ZNF83: variants seen among roughly 807,000 people sequenced by gnomAD.
The protein encoded by ZNF83 is zinc finger protein 816B.
For missense variants in ZNF83, 552 were observed against 629.9 expected, an observed-to-expected ratio of 0.88 and a Z score of 1.32; for synonymous variants, 209 against 213.0, an observed-to-expected ratio of 0.98 and a Z score of 0.17.
chr19:52,685,907 A>C (rs899221), intron 1 of ZNF83, among the ~76,000 whole-genome samples: 2 of 40,430 alleles, frequency 4.9e-5, no homozygotes, highest in African/African-American at 1.4e-4. Flanking sequence ...CAAAAAAAAA[A>C]AAAAAAAAAA....
intron 1 of ZNF83, among the ~76,000 whole-genome samples, chr19:52,689,393 A>G (rs927482861): frequency 3.1e-4 from 47 of 150,914 alleles, no homozygotes; most frequent in East Asian, 7.8e-4. Context: ...TTATACCCTC[A>G]TCCCCACTCT....
At chr19:52,679,573 T>G (rs1222730580) in intron 1 of ZNF83, among the ~76,000 whole-genome samples, 2 of 152,150 alleles carry the variant, frequency 1.3e-5, no homozygotes, top group African/African-American at 4.8e-5. Flanking sequence ...ATTGCACCAC[T>G]GCACTCCAGC....
intron 1 of ZNF83, among the ~76,000 whole-genome samples, chr19:52,684,387 A>G (rs1158843872): frequency 1.3e-5 from 2 of 151,862 alleles, no homozygotes; most frequent in Non-Finnish European, 2.9e-5. Flanking sequence ...AAATAAAAAT[A>G]AAAATACAAA....
At chr19:52,633,138 TCG>T (rs2061027632) in intron 2 of ZNF83, among the ~76,000 whole-genome samples, 1 of 152,166 alleles carries the variant, frequency 6.6e-6, no homozygotes, top group Non-Finnish European at 1.5e-5. Context: ...ACTGATGACA[TCG>T]TCTTGTGAAA....
chr19:52,653,431 C>T (rs143804476), intron 3 of ZNF83: 16 of 800,072 alleles, frequency 2.0e-5, no homozygotes, highest in African/African-American at 6.8e-5. Context: ...TCTGTTATGG[C>T]GTGAAAGGCA....
chr19:52,689,744 ACTGCTCTCTGTCCGTCTC>A (rs1338579744), intron 1 of ZNF83, among the ~76,000 whole-genome samples: 1 of 147,686 alleles, frequency 6.8e-6, no homozygotes, highest in African/African-American at 2.6e-5. Flanking sequence ...CAGGTTTTCC[ACTGCTCTCTGTCCGTCTC>A]CTGATCCCTT....
intron 3 of ZNF83, chr19:52,654,181 C>T (rs1392476695): frequency 1.9e-6 from 3 of 1,600,964 alleles, no homozygotes; most frequent in Non-Finnish European, 1.7e-6. Flanking sequence ...TCGGTCTGTA[C>T]TACCAGTCAA....
At chr19:52,670,261 C>A (rs1158612259) in intron 1 of ZNF83, among the ~76,000 whole-genome samples, 5 of 152,126 alleles carry the variant, frequency 3.3e-5, no homozygotes, top group African/African-American at 1.2e-4. Context: ...CACCCTCATT[C>A]CATAACATTT....
intron 3 of ZNF83, chr19:52,652,648 C>T (rs908333911): frequency 1.9e-6 from 1 of 519,692 alleles, no homozygotes; most frequent in Non-Finnish European, 3.8e-6. Context: ...CTTGTAAGAT[C>T]TCTCTTCATT....
chr19:52,661,960 AG>A (rs1354828906), intron 1 of ZNF83, among the ~76,000 whole-genome samples: 1 of 152,178 alleles, frequency 6.6e-6, no homozygotes, highest in Non-Finnish European at 1.5e-5. Flanking sequence ...CTGAGACAGG[AG>A]CAACCTCAGC....
chr19:52,644,242 G>C (rs1330886629), intron 3 of ZNF83, among the ~76,000 whole-genome samples: 3 of 150,644 alleles, frequency 2.0e-5, no homozygotes, highest in Non-Finnish European at 2.9e-5. Context: ...CAACTGGACA[G>C]TCCCCTCTCA....
chr19:52,687,436 ATAGC>A (rs1459308248), intron 1 of ZNF83, among the ~76,000 whole-genome samples: 1 of 20,028 alleles, frequency 5.0e-5, no homozygotes, highest in Non-Finnish European at 1.1e-4. Context: ...TATAATTTAT[ATAGC>A]TATATAAATT....
intron 1 of ZNF83, among the ~76,000 whole-genome samples, chr19:52,676,601 T>C (rs10417341): frequency 0.22 from 32,287 of 145,428 alleles, 3,628 homozygotes; most frequent in African/African-American, 0.25. Flanking sequence ...CCCCTCTGCC[T>C]GGCCACCACC....
At chr19:52,666,594 C>T (rs1444779855) in intron 1 of ZNF83, among the ~76,000 whole-genome samples, 3 of 134,200 alleles carry the variant, frequency 2.2e-5, no homozygotes, top group Non-Finnish European at 4.7e-5. Context: ...GAGCACACCT[C>T]ATCAAGGAAG....
chr19:52,614,268 G>C (rs1261639134), exon 3 of ZNF83: 2 of 1,614,086 alleles, frequency 1.2e-6, no homozygotes, highest in Admixed American at 1.7e-5. Context: ...GAAAGGCCTT[G>C]CCACGCTCAC....
rs560962949 is a variant in ZNF83 at position 52,673,063 on chromosome 19, C to CA, written c.-282-12221dup. On this transcript the variant is annotated intron_variant, in intron 1 of 5. Coordinates refer to the ZNF83 transcript ENST00000594682. ...ATAAGCCCTGTCTCTACCAAAAATA[C>CA]AAAAAAAACTGGATGTGAGCCTGTA... Among the ~76,000 whole-genome samples the CA allele has an allele frequency of 2.8e-3, 425 of 151,574 alleles. 3 individuals are homozygous for CA. The highest frequency in any genetic ancestry group is 4.1e-3 in the Non-Finnish European group (277 of 67,886).
chr19:52,650,812 G>T (rs896896220), intron 3 of ZNF83: 2 of 152,210 alleles, frequency 1.3e-5, no homozygotes, highest in Non-Finnish European at 2.9e-5. Flanking sequence ...AGGCTTGCGT[G>T]TAAGCCCAGA....
intron 1 of ZNF83, among the ~76,000 whole-genome samples, chr19:52,661,872 T>C (rs1264435177): frequency 6.6e-6 from 1 of 151,970 alleles, no homozygotes; most frequent in Non-Finnish European, 1.5e-5. Context: ...AACAAAGACT[T>C]AGGGAAGAAA....
At chr19:52,647,949 CCTG>C (rs1243667839) in intron 3 of ZNF83, among the ~76,000 whole-genome samples, 1 of 151,502 alleles carries the variant, frequency 6.6e-6, no homozygotes, top group Admixed American at 6.6e-5. Flanking sequence ...AGCTGTGTTC[CCTG>C]CTGTTGTTCT....
Sources: gnomAD v4.1 joint callset for allele counts (sites outside exome capture counted in the v4.1 genomes callset) on GRCh38, gnomAD v4.1.1 for gene constraint, MANE v1.5 for transcripts, NCBI Gene and HGNC (gene_info 2026-07-23, HGNC 2026-07-21) for gene names.